PCNX1: variants seen among roughly 807,000 people sequenced by gnomAD.
The protein encoded by PCNX1 is pecanex 1.
Under a neutral mutation model 242.2 loss-of-function variants are expected in PCNX1, and 78 were observed. The observed-to-expected ratio is 0.32, with a 90% CI of 0.27 to 0.39. The LOEUF (loss-of-function observed/expected upper bound fraction) is 0.39, where lower values mean the gene tolerates loss of function less well. Ranked by LOEUF, PCNX1 falls within the 10% of genes least tolerant of loss-of-function variation. PCNX1 has a pLI of 1.00. For synonymous variants in PCNX1, 1,024 were observed against 1,032.9 expected, an observed-to-expected ratio of 0.99 and a Z score of 0.17; for missense variants, 2,581 against 2,856.5, an observed-to-expected ratio of 0.90 and a Z score of 2.20.
intron 8 of PCNX1, among the ~76,000 whole-genome samples, chr14:70,997,153 T>A (rs2059377518): frequency 6.6e-6 from 1 of 152,148 alleles, no homozygotes; most frequent in African/African-American, 2.4e-5. Flanking sequence ...TAGACTCCAG[T>A]TTAGCTACTT....
chr14:71,021,665 C>G (rs1333224827), intron 12 of PCNX1, among the ~76,000 whole-genome samples: 3 of 152,194 alleles, frequency 2.0e-5, no homozygotes, highest in Non-Finnish European at 2.9e-5. Flanking sequence ...AATGATCATT[C>G]TAATTGCTAA....
chr14:71,031,509 C>T (rs184943156), intron 16 of PCNX1, among the ~76,000 whole-genome samples: 5 of 152,336 alleles, frequency 3.3e-5, no homozygotes, highest in Admixed American at 3.3e-4. Context: ...AAGAGGACAG[C>T]AGCACCTAGG....
At chr14:70,961,522 T>C (rs952708084) in intron 2 of PCNX1, among the ~76,000 whole-genome samples, 5 of 152,232 alleles carry the variant, frequency 3.3e-5, no homozygotes, top group African/African-American at 9.6e-5. Flanking sequence ...AATCCTGTTA[T>C]CTTTAAGTAC....
intron 9 of PCNX1, chr14:71,009,962 T>G (rs1354042703): frequency 3.0e-6 from 1 of 330,580 alleles, no homozygotes; most frequent in African/African-American, 2.1e-5. Context: ...TAATCTTGTT[T>G]GCGGTGAGGA....
intron 8 of PCNX1, among the ~76,000 whole-genome samples, chr14:71,008,545 A>G (rs2059730714): frequency 6.6e-6 from 1 of 151,168 alleles, no homozygotes; most frequent in Admixed American, 6.6e-5. Context: ...AGTCCCAGCT[A>G]CTCGGGAGGC....
At chr14:70,932,642 C>T (rs1031565536) in intron 1 of PCNX1, among the ~76,000 whole-genome samples, 4 of 151,116 alleles carry the variant, frequency 2.6e-5, no homozygotes, top group Non-Finnish European at 3.0e-5. Flanking sequence ...GATGGAATTT[C>T]GCTCTTGTTG....
At chr14:71,071,078 A>G (rs2061575226) in intron 26 of PCNX1, among the ~76,000 whole-genome samples, 1 of 152,180 alleles carries the variant, frequency 6.6e-6, no homozygotes, top group Admixed American at 6.5e-5. Flanking sequence ...AAACCTCATG[A>G]CCCAATCTCT....
chr14:71,016,923 T>C (rs2059975212), intron 11 of PCNX1, among the ~76,000 whole-genome samples: 1 of 151,888 alleles, frequency 6.6e-6, no homozygotes. Context: ...AAATGAAAAG[T>C]TTGAGAACAT....
At chr14:70,916,650 T>C (rs2056163567) in intron 1 of PCNX1, among the ~76,000 whole-genome samples, 1 of 152,236 alleles carries the variant, frequency 6.6e-6, no homozygotes, top group African/African-American at 2.4e-5. Context: ...CTTAAAAATA[T>C]GCCAAGGATT....
At chr14:70,929,159 AATT>A (rs1013507560) in intron 1 of PCNX1, among the ~76,000 whole-genome samples, 1 of 152,092 alleles carries the variant, frequency 6.6e-6, no homozygotes, top group African/African-American at 2.4e-5. Context: ...ATTACATGAA[AATT>A]ATTATTTCTT....
intron 1 of PCNX1, among the ~76,000 whole-genome samples, chr14:70,920,310 T>C (rs1164065447): frequency 6.6e-6 from 1 of 152,202 alleles, no homozygotes; most frequent in African/African-American, 2.4e-5. Context: ...TCATCAGTTG[T>C]ACTTTTTCTG....
chr14:70,942,175 G>C (rs76589863), intron 1 of PCNX1, among the ~76,000 whole-genome samples: 1,845 of 152,242 alleles, frequency 0.012, 42 homozygotes, highest in African/African-American at 0.042. Context: ...TACCTCATTT[G>C]GAAATGCAGA....
At chr14:70,968,352 A>C in intron 4 of PCNX1, 109 bp downstream of exon 4, 1 of 636,078 alleles carries the variant, frequency 1.6e-6, no homozygotes, top group Non-Finnish European at 2.7e-6. Context: ...TCATTCTTGA[A>C]ATTCTTTTAT....
chr14:70,943,930 C>T (rs897327826), intron 1 of PCNX1, among the ~76,000 whole-genome samples: 1 of 152,172 alleles, frequency 6.6e-6, no homozygotes, highest in African/African-American at 2.4e-5. Flanking sequence ...TGGTGTTGGT[C>T]CTGTGGATGC....
chr14:70,907,833 CGGCGGCGCCGGG>C lies in PCNX1; in HGVS notation c.-17_-6del. The C allele has an allele frequency of 7.9e-7, 1 of 1,269,154 alleles. No individual in the cohort carries two copies. Among genetic ancestry groups the C allele is most frequent in the Non-Finnish European group, 9.9e-7 (1 of 1,005,276 alleles). 78.6% of individuals were successfully genotyped at this position (1,269,154 alleles called of 1,614,324 possible). A position where few individuals can be genotyped will look rare whatever the true frequency, so the allele number is the denominator to read the frequency against. Reference sequence around the variant, plus strand: ...ACGGCGGCGGCGGCGGCGGCGACGGCGGCGGCGCCGGGTGGGGATGGGGTCGCAGACGCTGCA... The same window carrying C: ...ACGGCGGCGGCGGCGGCGGCGACGGCTGGGGATGGGGTCGCAGACGCTGCA... On this transcript the variant is annotated 5_prime_UTR_variant, in exon 1 of 36. Coordinates refer to ENST00000304743, the MANE Select transcript of PCNX1 (RefSeq NM_014982.3).
intron 2 of PCNX1, among the ~76,000 whole-genome samples, chr14:70,948,646 T>C (rs920070980): frequency 6.6e-6 from 1 of 150,888 alleles, no homozygotes; most frequent in African/African-American, 2.4e-5. Context: ...TGTGTATATA[T>C]AGATGTGTAT....
At chr14:71,009,990 T>G in intron 9 of PCNX1, 1 of 272,736 alleles carries the variant, frequency 3.7e-6, no homozygotes, top group Non-Finnish European at 6.8e-6. Flanking sequence ...ATCTACTCTC[T>G]TAGTGATTTT....
At chr14:70,964,117 A>G (rs1470192804) in intron 3 of PCNX1, among the ~76,000 whole-genome samples, 1 of 152,144 alleles carries the variant, frequency 6.6e-6, no homozygotes, top group African/African-American at 2.4e-5. Context: ...TCCAGGCTGG[A>G]GTGCAATGGC....
At chr14:71,072,412 A>G (rs1329641271) in intron 26 of PCNX1, among the ~76,000 whole-genome samples, 1 of 152,222 alleles carries the variant, frequency 6.6e-6, no homozygotes, top group Non-Finnish European at 1.5e-5. Flanking sequence ...CAGTTATTAA[A>G]CAAGAAAATG....
Sources: gnomAD v4.1 joint callset for allele counts (sites outside exome capture counted in the v4.1 genomes callset) on GRCh38, gnomAD v4.1.1 for gene constraint, MANE v1.5 for transcripts, NCBI Gene and HGNC (gene_info 2026-07-23, HGNC 2026-07-21) for gene names.